The following PDE4D variants were observed in gnomAD, a reference collection of about 807,000 sequenced individuals.
PDE4D encodes 3',5'-cyclic-AMP phosphodiesterase 4D.
A neutral mutation model predicts 87.4 loss-of-function variants in PDE4D; 24 were observed. That is an observed-to-expected ratio of 0.27 (90% CI 0.20 to 0.39). The LOEUF is 0.39. Among genes scored for constraint, PDE4D ranks in the 10% least tolerant of loss-of-function variants. PDE4D has a pLI of 1.00. For missense variants in PDE4D, 714 were observed against 1,041.0 expected (o/e 0.69, Z 4.32); for synonymous variants, 384 against 383.2 (o/e 1.00, Z -0.02).
intron 1 of PDE4D, among the ~76,000 whole-genome samples, chr5:59,399,372 A>C (rs1384051015): frequency 2.9e-5 from 4 of 137,764 alleles, no homozygotes; most frequent in Non-Finnish European, 6.6e-5. Context: ...TGGTACTGGT[A>C]CCAAAACAGA....
intron 1 of PDE4D, among the ~76,000 whole-genome samples, chr5:59,599,222 G>GA (rs892438207): frequency 2.4e-4 from 32 of 132,758 alleles, no homozygotes; most frequent in Middle Eastern, 7.6e-3. Context: ...GCAAAATGCT[G>GA]TTTTTTGCTT....
chr5:58,998,769 T>C (rs1749801976), intron 6 of PDE4D, among the ~76,000 whole-genome samples: 2 of 152,168 alleles, frequency 1.3e-5, no homozygotes, highest in Admixed American at 1.3e-4. Context: ...ACCAAAAATC[T>C]GTGAAGTGAT....
chr5:59,736,604 G>C (rs958237715), intron 1 of PDE4D, among the ~76,000 whole-genome samples: 1 of 151,880 alleles, frequency 6.6e-6, no homozygotes, highest in Admixed American at 6.6e-5. Flanking sequence ...GCTTGAACCC[G>C]GGAGGCAGAG....
chr5:60,362,613 T>C (rs1048518100), intron 1 of PDE4D, among the ~76,000 whole-genome samples: 9 of 152,172 alleles, frequency 5.9e-5, no homozygotes, highest in Admixed American at 2.0e-4. Context: ...ATCCCAGCAC[T>C]TTGGGAGACT....
intron 1 of PDE4D, among the ~76,000 whole-genome samples, chr5:59,771,489 G>GAAAGAAAGAAAT (rs1581029634): frequency 2.5e-5 from 1 of 39,474 alleles, no homozygotes; most frequent in Non-Finnish European, 5.5e-5. Flanking sequence ...AAGAAAGAGA[G>GAAAGAAAGAAAT]AGAGAGAGAG....
chr5:59,094,178 A>G (rs981408708), intron 5 of PDE4D, among the ~76,000 whole-genome samples: 1 of 133,210 alleles, frequency 7.5e-6, no homozygotes, highest in East Asian at 2.6e-4. Context: ...AGATTATGCC[A>G]CTGCACTCCA....
chr5:59,098,532 T>C (rs531572571), intron 5 of PDE4D, among the ~76,000 whole-genome samples: 7 of 101,204 alleles, frequency 6.9e-5, no homozygotes, highest in Admixed American at 2.3e-4. Flanking sequence ...ACCTCATCTC[T>C]ACAAAAAATT....
At chr5:60,286,814 T>C (rs1431753745) in intron 1 of PDE4D, among the ~76,000 whole-genome samples, 1 of 152,222 alleles carries the variant, frequency 6.6e-6, no homozygotes, top group Non-Finnish European at 1.5e-5. Context: ...GGTGACTTTC[T>C]AACAAGTAAC....
intron 5 of PDE4D, among the ~76,000 whole-genome samples, chr5:59,157,557 A>G (rs1780435692): frequency 6.6e-6 from 1 of 152,352 alleles, no homozygotes; most frequent in Admixed American, 6.5e-5. Flanking sequence ...ATGACATTCA[A>G]TGAGGACAGA....
chr5:59,776,024 G>C (rs949162160), intron 1 of PDE4D, among the ~76,000 whole-genome samples: 14 of 152,084 alleles, frequency 9.2e-5, no homozygotes, highest in African/African-American at 3.1e-4. Context: ...ATAATTCATA[G>C]ATTTTAATTA....
At chr5:59,648,748 G>A (rs145834124) in intron 1 of PDE4D, among the ~76,000 whole-genome samples, 3 of 151,782 alleles carry the variant, frequency 2.0e-5, no homozygotes, top group African/African-American at 7.2e-5. Flanking sequence ...AGGTTTAATG[G>A]AGGAAATTAT....
chr5:60,178,416 C>G (rs1784111492), intron 2 of PDE4D, among the ~76,000 whole-genome samples: 1 of 152,052 alleles, frequency 6.6e-6, no homozygotes, highest in Non-Finnish European at 1.5e-5. Flanking sequence ...GTTCTGAATC[C>G]CTGCATGAGC....
rs548053791 is a variant in PDE4D at position 59,216,072 on chromosome 5, G to C, written c.456-104C>G. ...GAGGAACTGACAGTGGAATTAGCAG[G>C]AATGAAAATTACAGCTAATTTCTGC... On this transcript the variant is annotated intron_variant, in intron 1 of 14. Coordinates refer to ENST00000340635, the MANE Select transcript of PDE4D (RefSeq NM_001104631.2). 16 of 744,304 alleles carry C rather than the reference G, an allele frequency of 2.1e-5. No individual in the cohort carries two copies. The African/African-American group carries it at 2.5e-4, about 12-fold the overall frequency. The allele number at this position is 744,304 out of a possible 1,614,324, so 46.1% of individuals were successfully genotyped here.
At chr5:59,695,584 A>C (rs961180493) in intron 1 of PDE4D, among the ~76,000 whole-genome samples, 2 of 151,994 alleles carry the variant, frequency 1.3e-5, no homozygotes, top group African/African-American at 4.8e-5. Context: ...CATATTCAAA[A>C]ATGGTGTGTA....
chr5:59,065,682 G>A (rs568767219), intron 5 of PDE4D, among the ~76,000 whole-genome samples: 7 of 152,254 alleles, frequency 4.6e-5, no homozygotes, highest in African/African-American at 1.7e-4. Flanking sequence ...TCAAGAGACT[G>A]TACACCAATA....
At chr5:59,003,396 C>T (rs1161397807) in intron 6 of PDE4D, among the ~76,000 whole-genome samples, 2 of 152,218 alleles carry the variant, frequency 1.3e-5, no homozygotes, top group East Asian at 1.9e-4. Context: ...ACCAAATTCT[C>T]GGCCTAAAAT....
intron 1 of PDE4D, among the ~76,000 whole-genome samples, chr5:59,889,382 G>C (rs1750628550): frequency 6.6e-6 from 1 of 152,040 alleles, no homozygotes; most frequent in Non-Finnish European, 1.5e-5. Context: ...TTGGGAGTCT[G>C]AGGCAGGAGG....
intron 1 of PDE4D, among the ~76,000 whole-genome samples, chr5:59,406,715 T>C (rs116249772): frequency 8.3e-4 from 126 of 152,240 alleles, no homozygotes; most frequent in African/African-American, 2.9e-3. Context: ...TCTGATTTTA[T>C]TTATTAGCAT....
chr5:59,390,799 T>C (rs1260127523), intron 1 of PDE4D, among the ~76,000 whole-genome samples: 1 of 152,028 alleles, frequency 6.6e-6, no homozygotes, highest in Admixed American at 6.6e-5. Context: ...AGTCATGCCA[T>C]CCCAAAATAA....
Sources: gnomAD v4.1 joint callset for allele counts (sites outside exome capture counted in the v4.1 genomes callset) on GRCh38, gnomAD v4.1.1 for gene constraint, MANE v1.5 for transcripts, NCBI Gene and HGNC (gene_info 2026-07-23, HGNC 2026-07-21) for gene names.